The following WWOX variants were observed in gnomAD, a reference collection of about 807,000 sequenced individuals.
WWOX encodes WW domain containing oxidoreductase, also known as WW domain-containing oxidoreductase.
In WWOX, 69 loss-of-function variants were observed where a neutral mutation model predicts 46.2. The ratio of observed to expected loss-of-function variants is 1.49; its 90% confidence interval spans 1.23 to 1.82. WWOX has a LOEUF of 1.82. Ranked by LOEUF, WWOX falls within the 40% of genes most tolerant of loss-of-function variation. The probability of loss-of-function intolerance (pLI) is 0.00; values close to 1 mark genes in which losing one functional copy is unlikely to be tolerated. For synonymous variants in WWOX, 359 were observed against 202.6 expected, an observed-to-expected ratio of 1.77 and a Z score of -6.56; for missense variants, 919 against 542.6, an observed-to-expected ratio of 1.69 and a Z score of -6.89.
chr16:78,105,801 T>TTTTTTTA (rs1474767834), intron 1 of WWOX, among the ~76,000 whole-genome samples: 6 of 152,100 alleles, frequency 3.9e-5, no homozygotes, highest in Non-Finnish European at 7.4e-5. Context: ...ATTTTGTGGA[T>TTTTTTTA]TTTTTTATTT....
chr16:78,154,914 C>G (rs1032100486), intron 4 of WWOX, among the ~76,000 whole-genome samples: 4 of 152,150 alleles, frequency 2.6e-5, no homozygotes, highest in Non-Finnish European at 4.4e-5. Context: ...ATAATGTGCA[C>G]TGAGCATCAA....
chr16:78,233,689 G>T (rs12597199), intron 5 of WWOX, among the ~76,000 whole-genome samples: 11,749 of 152,004 alleles, frequency 0.077, 659 homozygotes, highest in South Asian at 0.24. Flanking sequence ...ACTACACCTG[G>T]CTAATTTTTT....
intron 8 of WWOX, among the ~76,000 whole-genome samples, chr16:78,514,789 A>G (rs2085449523): frequency 6.6e-6 from 1 of 152,210 alleles, no homozygotes; most frequent in Non-Finnish European, 1.5e-5. Flanking sequence ...TAATGTTACT[A>G]TAATTTGTCT....
At chr16:78,986,827 T>G (rs1264478667) in intron 8 of WWOX, among the ~76,000 whole-genome samples, 2 of 152,178 alleles carry the variant, frequency 1.3e-5, no homozygotes, top group African/African-American at 4.8e-5. Context: ...CCACAGAGAT[T>G]TTTGGGCATC....
At chr16:78,612,067 C>T (rs139474822) in intron 8 of WWOX, among the ~76,000 whole-genome samples, 1 of 152,242 alleles carries the variant, frequency 6.6e-6, no homozygotes, top group African/African-American at 2.4e-5. Context: ...CCTGGCATAT[C>T]CTTTAGGATT....
At chr16:79,025,343 C>G (rs929044799) in intron 8 of WWOX, among the ~76,000 whole-genome samples, 10 of 152,114 alleles carry the variant, frequency 6.6e-5, no homozygotes, top group African/African-American at 1.9e-4. Flanking sequence ...TTCACTGGAA[C>G]CTAGACATTT....
intron 5 of WWOX, among the ~76,000 whole-genome samples, chr16:78,280,528 C>G (rs1382503783): frequency 6.6e-6 from 1 of 152,028 alleles, no homozygotes; most frequent in Non-Finnish European, 1.5e-5. Context: ...AATTGGCTCA[C>G]AGTTTTGTAA....
chr16:78,550,060 A>G (rs887604083), intron 8 of WWOX, among the ~76,000 whole-genome samples: 6 of 152,248 alleles, frequency 3.9e-5, no homozygotes, highest in Non-Finnish European at 5.9e-5. Context: ...GAATGAAGTT[A>G]CCTGGTAGGG....
At chr16:78,379,655 A>T (rs2081911260) in intron 5 of WWOX, among the ~76,000 whole-genome samples, 1 of 152,200 alleles carries the variant, frequency 6.6e-6, no homozygotes, top group Admixed American at 6.5e-5. Context: ...CGTAAGACCC[A>T]ACATGTGGGC....
At chr16:78,451,326 C>A (rs947810812) in intron 8 of WWOX, among the ~76,000 whole-genome samples, 1 of 152,172 alleles carries the variant, frequency 6.6e-6, no homozygotes, top group Admixed American at 6.5e-5. Context: ...TTCTGCAGAA[C>A]TAGAAGATAA....
chr16:78,166,978 C>G (rs1331850891), intron 5 of WWOX: 5 of 152,228 alleles, frequency 3.3e-5, no homozygotes, highest in African/African-American at 4.8e-5. Context: ...AATTGTAAAA[C>G]TCTGCCTATT....
At chr16:78,106,421 G>T (rs59067984) in intron 1 of WWOX, among the ~76,000 whole-genome samples, 37,580 of 121,930 alleles carry the variant, frequency 0.31, 5,623 homozygotes, top group Non-Finnish European at 0.37. Context: ...GTTTTTTTTT[G>T]TTTTTTTTTT....
intron 8 of WWOX, among the ~76,000 whole-genome samples, chr16:79,057,221 A>C (rs2048279456): frequency 6.6e-6 from 1 of 152,012 alleles, no homozygotes; most frequent in Non-Finnish European, 1.5e-5. Flanking sequence ...AATTGCCTGG[A>C]CCTCTTTTAG....
At chr16:78,532,643 G>T (rs2043649960) in intron 8 of WWOX, among the ~76,000 whole-genome samples, 3 of 152,130 alleles carry the variant, frequency 2.0e-5, no homozygotes, top group Admixed American at 2.0e-4. Context: ...ACAGTTCCTT[G>T]TGGCTGGGGA....
chr16:78,414,374 G>A (rs1198878675), intron 6 of WWOX, among the ~76,000 whole-genome samples: 3 of 152,128 alleles, frequency 2.0e-5, no homozygotes, highest in Admixed American at 6.5e-5. Context: ...TTCAAGACCA[G>A]CCTGGCCAAC....
At chr16:78,399,969 C>T (rs892564019) in intron 6 of WWOX, among the ~76,000 whole-genome samples, 2 of 152,104 alleles carry the variant, frequency 1.3e-5, no homozygotes, top group African/African-American at 4.8e-5. Flanking sequence ...CTGAAAATCC[C>T]CAAGGAAGAT....
intron 5 of WWOX, among the ~76,000 whole-genome samples, chr16:78,314,363 G>C (rs1304694516): frequency 7.0e-6 from 1 of 143,604 alleles, no homozygotes; most frequent in Non-Finnish European, 1.5e-5. Context: ...CCGAGATCGA[G>C]CCACTGCACT....
At chr16:78,219,426 A>C (rs1365376636) in intron 5 of WWOX, among the ~76,000 whole-genome samples, 2 of 152,184 alleles carry the variant, frequency 1.3e-5, no homozygotes, top group Non-Finnish European at 2.9e-5. Context: ...AAGCCGACAA[A>C]ATGCACAGCC....
intron 8 of WWOX, among the ~76,000 whole-genome samples, chr16:78,582,227 A>C (rs2045075943): frequency 6.6e-6 from 1 of 152,212 alleles, no homozygotes; most frequent in African/African-American, 2.4e-5. Context: ...TACATGGCCA[A>C]AGTGTGTCAG....
Sources: gnomAD v4.1 joint callset for allele counts (sites outside exome capture counted in the v4.1 genomes callset) on GRCh38, gnomAD v4.1.1 for gene constraint, MANE v1.5 for transcripts, NCBI Gene and HGNC (gene_info 2026-07-23, HGNC 2026-07-21) for gene names.